The following RAD54B variants were observed in gnomAD, a reference collection of about 807,000 sequenced individuals.
The protein encoded by RAD54B is DNA repair and recombination protein RAD54B.
In RAD54B, 78 loss-of-function variants were observed where a neutral mutation model predicts 95.8. The ratio of observed to expected loss-of-function variants is 0.81; its 90% CI spans 0.68 to 0.98. RAD54B has a LOEUF of 0.98. RAD54B is among the 50% of genes least tolerant of loss of function. RAD54B has a pLI of 0.00. For synonymous variants in RAD54B, 328 were observed against 354.9 expected (o/e 0.92, Z 0.85); for missense variants, 957 against 1,056.6 (o/e 0.91, Z 1.31).
chr8:94,448,803 G>A lies in RAD54B; in HGVS notation c.304+9465C>T, dbSNP rs887569768. On this transcript the variant is annotated intron_variant, in intron 3 of 14. Transcript: ENST00000336148. Reference sequence around the variant, plus strand: ...AGGGAGAGGAAATCGGGAGATACGCGTCAGAGGATACAAGTAGTGGATATG... The same window carrying A: ...AGGGAGAGGAAATCGGGAGATACGCATCAGAGGATACAAGTAGTGGATATG... Among the ~76,000 whole-genome samples, 8 of 152,058 alleles carry A rather than the reference G, an allele frequency of 5.3e-5. No homozygotes were observed. In the East Asian group the frequency reaches 5.8e-4, roughly 11 times the overall value.
rs550126999 is a variant in RAD54B at position 94,456,496 on chromosome 8, T to C, written c.304+1772A>G. On this transcript the variant is annotated intron_variant, in intron 3 of 14. Coordinates refer to ENST00000336148, the MANE Select transcript of RAD54B (RefSeq NM_012415.3). ...AAGTGGCATGATATATGCAACTTAT[T>C]TTCAAAAGGTTGAGGGGAGTGCATC... Among the ~76,000 whole-genome samples the C allele has an allele frequency of 6.6e-5, 10 of 152,294 alleles. No homozygotes were observed. In the East Asian group the frequency reaches 1.9e-3, roughly 29 times the overall value.
chr8:94,388,199 C>A (rs1468379782), intron 10 of RAD54B, among the ~76,000 whole-genome samples: 4 of 152,168 alleles, frequency 2.6e-5, no homozygotes, highest in South Asian at 2.1e-4. Context: ...TTTCTCCCAT[C>A]TCTGCCACCA....
intron 11 of RAD54B, among the ~76,000 whole-genome samples, chr8:94,385,639 CTA>C (rs1407009017): frequency 6.6e-6 from 1 of 152,186 alleles, no homozygotes; most frequent in Non-Finnish European, 1.5e-5. Flanking sequence ...GGGTCTCACT[CTA>C]TCACCTAGGC....
At chr8:94,410,309 G>A (rs181312909) in intron 4 of RAD54B, among the ~76,000 whole-genome samples, 19 of 152,242 alleles carry the variant, frequency 1.2e-4, no homozygotes, top group African/African-American at 4.3e-4. Flanking sequence ...GTTCTTTTAT[G>A]CTCCAACTGC....
chr8:94,399,200 T>G (rs1263056140), intron 8 of RAD54B, among the ~76,000 whole-genome samples: 1 of 152,184 alleles, frequency 6.6e-6, no homozygotes, highest in East Asian at 1.9e-4. Context: ...ATGATATCAT[T>G]GTGTTTATTC....
chr8:94,405,050 G>A (rs757005972), intron 5 of RAD54B, among the ~76,000 whole-genome samples: 3 of 152,090 alleles, frequency 2.0e-5, no homozygotes, highest in Non-Finnish European at 4.4e-5. Context: ...CTGACCTCAA[G>A]TGATCTGCCC....
At chr8:94,464,389 T>C (rs1812977142) in intron 2 of RAD54B, among the ~76,000 whole-genome samples, 1 of 151,970 alleles carries the variant, frequency 6.6e-6, no homozygotes. Flanking sequence ...GGAACAGATT[T>C]CCCCTAAAAT....
intron 6 of RAD54B, among the ~76,000 whole-genome samples, chr8:94,402,350 T>C (rs1057186997): frequency 1.9e-4 from 29 of 151,940 alleles, no homozygotes; most frequent in African/African-American, 6.3e-4. Flanking sequence ...GCCTCCTGGA[T>C]TCAAGTGATT....
intron 1 of RAD54B, among the ~76,000 whole-genome samples, chr8:94,473,674 T>A (rs148440978): frequency 1.3e-5 from 2 of 152,268 alleles, no homozygotes; most frequent in East Asian, 1.9e-4. Context: ...TTTGGGTTCG[T>A]CTGGGCTTTA....
chr8:94,372,449 C>CT, intron 14 of RAD54B, 62 bp from the exon 15 acceptor site: 4 of 1,570,924 alleles, frequency 2.5e-6, no homozygotes, highest in Non-Finnish European at 3.4e-6. Context: ...AAATACAATA[C>CT]TTTTTTGTTT....
chr8:94,429,641 C>G, intron 3 of RAD54B: 1 of 983,658 alleles, frequency 1.0e-6, no homozygotes, highest in Non-Finnish European at 1.2e-6. Context: ...AACATTACCT[C>G]AAATTAAGAA....
At chr8:94,396,610 C>T (rs1444018667) in intron 8 of RAD54B, among the ~76,000 whole-genome samples, 1 of 152,056 alleles carries the variant, frequency 6.6e-6, no homozygotes, top group Non-Finnish European at 1.5e-5. Context: ...AGATATTCAT[C>T]ACCACATTAT....
chr8:94,474,245 A>G (rs756209442), intron 1 of RAD54B, among the ~76,000 whole-genome samples: 1 of 152,214 alleles, frequency 6.6e-6, no homozygotes, highest in Non-Finnish European at 1.5e-5. Context: ...CAAGGGTTCA[A>G]AAACTATTGG....
chr8:94,458,509 A>C (rs950960091), intron 2 of RAD54B, 73 bp from the exon 3 acceptor site: 2 of 1,208,988 alleles, frequency 1.7e-6, no homozygotes, highest in Non-Finnish European at 2.3e-6. Flanking sequence ...TTTTACATAA[A>C]AGATTCTAAT....
rs756921340 is a variant in RAD54B at position 94,391,804 on chromosome 8, A to G, written c.1614T>C (p.Tyr538=). The part of the protein sequence containing the change: ...LRRTQEIINK[Y]LPPKIENVVF... ...CAACATTCTCTATTTTAGGTGGGAG[A>G]TATTTATTTATAATTTCTTGGGTTC... Residue 538 remains tyrosine, a synonymous_variant, in exon 10 of 15, where the codon TAT becomes TAC. Transcript: ENST00000336148. 2.5e-6 allele frequency: 4 copies of G among 1,613,854 alleles called. No homozygotes were observed. Among genetic ancestry groups the G allele is most frequent in the Admixed American group, 3.3e-5 (2 of 59,996 alleles).
chr8:94,451,022 T>C (rs1392174576), intron 3 of RAD54B, among the ~76,000 whole-genome samples: 1 of 152,132 alleles, frequency 6.6e-6, no homozygotes, highest in Non-Finnish European at 1.5e-5. Flanking sequence ...TATTTATAGA[T>C]AAATATAGAT....
chr8:94,416,610 A>C (rs796387958), intron 3 of RAD54B, among the ~76,000 whole-genome samples: 3 of 152,200 alleles, frequency 2.0e-5, no homozygotes, highest in South Asian at 4.1e-4. Flanking sequence ...ATATATACAA[A>C]CAACCAATAA....
In RAD54B at chr8:94,398,398, G is replaced by C. The variant is rs144259573; in HGVS notation, c.1378+1016C>G. Reference sequence around the variant, plus strand: ...CCACCCCAACACAGTAAGAACAGAAGAGGAGGAGTTTTCTCCTCTCTGTTG... The same window carrying C: ...CCACCCCAACACAGTAAGAACAGAACAGGAGGAGTTTTCTCCTCTCTGTTG... On this transcript the variant is annotated intron_variant, in intron 8 of 14. Transcript: ENST00000336148. Among the ~76,000 whole-genome samples the C allele has an allele frequency of 2.5e-3, 384 of 152,162 alleles. 2 individuals are homozygous for C. The highest frequency in any genetic ancestry group is 8.2e-3 in the African/African-American group (339 of 41,532).
intron 3 of RAD54B, chr8:94,436,547 T>C: frequency 6.4e-7 from 1 of 1,550,388 alleles, no homozygotes; most frequent in Non-Finnish European, 8.7e-7. Flanking sequence ...ATCTGGGGAA[T>C]CATCTCCATA....
Sources: allele counts gnomAD v4.1 joint callset (sites outside exome capture counted in the v4.1 genomes callset), GRCh38; gene constraint gnomAD v4.1.1; transcripts MANE v1.5; gene names NCBI Gene and HGNC (gene_info 2026-07-23, HGNC 2026-07-21).